Variants in SLC38A9 observed in about 807,000 individuals in gnomAD.
SLC38A9 encodes neutral amino acid transporter 9.
SLC38A9 carries 48 observed loss-of-function variants against 62.3 expected under a neutral mutation model. The observed-to-expected ratio is 0.77, with a 90% CI of 0.61 to 0.98. SLC38A9 has a LOEUF of 0.98. SLC38A9 is among the 50% of genes least tolerant of loss of function. SLC38A9 has a pLI of 0.00. For synonymous variants in SLC38A9, 204 were observed against 227.7 expected (o/e 0.90, Z 0.94); for missense variants, 541 against 679.8 (o/e 0.80, Z 2.27).
chr5:55,648,399 C>T (rs1036271948), intron 11 of SLC38A9, among the ~76,000 whole-genome samples: 6 of 152,116 alleles, frequency 3.9e-5, no homozygotes, highest in African/African-American at 1.4e-4. Flanking sequence ...TAGACATTTA[C>T]ACCATGATTA....
chr5:55,691,065 A>G (rs2150534083), intron 3 of SLC38A9: 4 of 651,926 alleles, frequency 6.1e-6, no homozygotes, highest in Non-Finnish European at 1.1e-5. Context: ...AGAGTGCCAC[A>G]GCATACCTAG....
At chr5:55,689,904 A>T (rs1389157029) in intron 3 of SLC38A9, among the ~76,000 whole-genome samples, 5 of 152,218 alleles carry the variant, frequency 3.3e-5, no homozygotes, top group Admixed American at 3.3e-4. Flanking sequence ...AAAGATGATA[A>T]AGCAAAACTA....
At chr5:55,688,338 T>C (rs941360950) in intron 3 of SLC38A9, among the ~76,000 whole-genome samples, 1 of 151,930 alleles carries the variant, frequency 6.6e-6, no homozygotes, top group Non-Finnish European at 1.5e-5. Context: ...CTTTGTACCA[T>C]GTTTCAATCC....
intron 3 of SLC38A9, among the ~76,000 whole-genome samples, chr5:55,687,563 T>TA (rs1175086685): frequency 6.6e-6 from 1 of 152,188 alleles, no homozygotes; most frequent in African/African-American, 2.4e-5. Flanking sequence ...TCTTCCTATC[T>TA]ATGAGCATAT....
chr5:55,635,922 T>C (rs181803740), intron 12 of SLC38A9, among the ~76,000 whole-genome samples: 15 of 152,324 alleles, frequency 9.8e-5, no homozygotes, highest in South Asian at 8.3e-4. Context: ...GAAGTTAACA[T>C]AGTGGTTTAA....
rs528065780 is a variant in SLC38A9 at position 55,646,043 on chromosome 5, A to G, written c.1061-148T>C. ...TGTCTTTACAAAGTTCCTCGAGGCC[A>G]GCATTATACTTGGGCGAAGCACTCA... On this transcript the variant is annotated intron_variant, in intron 11 of 15. Transcript: ENST00000396865. The G allele has an allele frequency of 3.4e-4, 210 of 608,920 alleles. 5 individuals carry two copies. The South Asian group carries it at 4.0e-3, about 12-fold the overall frequency. The allele number at this position is 608,920 out of a possible 1,614,324, so 37.7% of individuals were successfully genotyped here.
intron 2 of SLC38A9, among the ~76,000 whole-genome samples, chr5:55,704,674 C>T (rs1757070915): frequency 6.6e-6 from 1 of 152,176 alleles, no homozygotes; most frequent in African/African-American, 2.4e-5. Context: ...AAATCTCCAA[C>T]AATGCATAAA....
chr5:55,652,939 T>G (rs1420325670), intron 9 of SLC38A9, among the ~76,000 whole-genome samples: 2 of 152,156 alleles, frequency 1.3e-5, no homozygotes, highest in East Asian at 3.9e-4. Flanking sequence ...GAGGGAATCT[T>G]TAAAATTTCT....
chr5:55,664,633 A>G (rs866060231), intron 8 of SLC38A9, 60 bp downstream of exon 8: 1 of 917,686 alleles, frequency 1.1e-6, no homozygotes, highest in Middle Eastern at 2.6e-4. Context: ...TAGAACTAAC[A>G]TTACAGTGGT....
chr5:55,698,751 C>A (rs562907495), intron 2 of SLC38A9, among the ~76,000 whole-genome samples: 2 of 152,132 alleles, frequency 1.3e-5, no homozygotes, highest in Non-Finnish European at 2.9e-5. Flanking sequence ...CAAAATGGCA[C>A]AACCTCATCT....
intron 12 of SLC38A9, among the ~76,000 whole-genome samples, chr5:55,644,492 C>A (rs368626387): frequency 6.6e-6 from 1 of 152,020 alleles, no homozygotes; most frequent in Non-Finnish European, 1.5e-5. Flanking sequence ...GTGGCTATCT[C>A]GGCTCACTGC....
rs962987405 is a variant in SLC38A9, at chr5:55,661,156, G to A, written c.697+3537C>T. On this transcript the variant is annotated intron_variant, in intron 8 of 15. Transcript: ENST00000396865. ...CCAAAGTCATGAGTAGGAAGACTCA[G>A]TATCTAGGCCGAGCGCAGTGGCTCA... Among the ~76,000 whole-genome samples, 3 of 152,098 alleles carry A rather than the reference G, an allele frequency of 2.0e-5. No individual in the cohort carries two copies. In the South Asian group the frequency reaches 6.2e-4, roughly 31 times the overall value.
At chr5:55,688,819 T>A (rs7715307) in intron 3 of SLC38A9, among the ~76,000 whole-genome samples, 5,925 of 152,176 alleles carry the variant, frequency 0.039, 154 homozygotes, top group African/African-American at 0.082. Flanking sequence ...GAGAAAGAAA[T>A]GAAAATAACA....
At chr5:55,667,753 AGT>A (rs923285539) in intron 7 of SLC38A9, among the ~76,000 whole-genome samples, 1 of 152,040 alleles carries the variant, frequency 6.6e-6, no homozygotes, top group African/African-American at 2.4e-5. Context: ...ATTTTAAGAC[AGT>A]GTTTCACTCC....
At chr5:55,662,411 C>T (rs1208234685) in intron 8 of SLC38A9, among the ~76,000 whole-genome samples, 1 of 152,132 alleles carries the variant, frequency 6.6e-6, no homozygotes. Flanking sequence ...ATGGCTCACA[C>T]CTGTAATCCC....
In SLC38A9 at chr5:55,639,272, T is replaced by TTAAAA. The variant is rs1391586466; in HGVS notation, c.1168-3616_1168-3615insTTTTA. ...TGGGCAACAAGAACGAAACTCTGTC[T>TTAAAA]AAAAAAAAAAAAAAAAAAAAAAGAA... On this transcript the variant is annotated intron_variant, in intron 12 of 15. Transcript: ENST00000396865. Among the ~76,000 whole-genome samples, 521 of 54,616 alleles carry TTAAAA rather than the reference T, an allele frequency of 9.5e-3. 8 individuals are homozygous for TTAAAA. The highest frequency in any genetic ancestry group is 0.035 in the African/African-American group (506 of 14,578). 35.8% of individuals were successfully genotyped at this position (54,616 alleles called of 152,430 possible).
intron 15 of SLC38A9, 57 bp downstream of exon 15, chr5:55,627,834 A>C: frequency 2.9e-6 from 3 of 1,052,562 alleles, no homozygotes; most frequent in African/African-American, 1.6e-5. Context: ...ACAACAGGAA[A>C]AGCCTGAAAA....
chr5:55,699,037 T>A (rs1008439085), intron 2 of SLC38A9, among the ~76,000 whole-genome samples: 1 of 152,164 alleles, frequency 6.6e-6, no homozygotes, highest in African/African-American at 2.4e-5. Flanking sequence ...GTGGATCACT[T>A]GAGGTCAGGA....
rs187128338 is a variant in SLC38A9 at position 55,684,720 on chromosome 5, C to G, written c.114-12025G>C. 5.3e-4 allele frequency among the ~76,000 whole-genome samples: 80 copies of G among 152,332 alleles called. 1 individual carries two copies. The highest frequency in any genetic ancestry group is 1.1e-3 in the Non-Finnish European group (77 of 68,040). ...CCAGGCTGGAGTGCAGCGGTGCAAT[C>G]TCAGCTCACTGCAGTCTCTACCTCC... On this transcript the variant is annotated intron_variant, in intron 3 of 15. Coordinates refer to ENST00000396865, the MANE Select transcript of SLC38A9 (RefSeq NM_173514.4).
Sources: allele counts gnomAD v4.1 joint callset (sites outside exome capture counted in the v4.1 genomes callset), GRCh38; gene constraint gnomAD v4.1.1; transcripts MANE v1.5; gene names NCBI Gene and HGNC (gene_info 2026-07-23, HGNC 2026-07-21).